FTSJ3: variants seen among roughly 807,000 people sequenced by gnomAD.
FTSJ3 encodes the protein FtsJ RNA 2'-O-methyltransferase 3, also known as pre-rRNA 2'-O-ribose RNA methyltransferase FTSJ3.
FTSJ3 carries 46 observed loss-of-function variants against 111.5 expected under a neutral mutation model. The observed-to-expected ratio is 0.41, with a 90% CI of 0.33 to 0.53. The LOEUF is 0.53. Among genes scored for constraint, FTSJ3 ranks in the 20% least tolerant of loss-of-function variants. The probability of loss-of-function intolerance (pLI) is 0.19; values close to 1 mark genes in which losing one functional copy is unlikely to be tolerated. For missense variants in FTSJ3, 1,075 were observed against 1,063.8 expected (o/e 1.01, Z -0.15); for synonymous variants, 408 against 383.0 (o/e 1.07, Z -0.76).
chr17:63,823,811 C>A lies in FTSJ3; in HGVS notation c.1290+6G>T. On this transcript the variant is annotated splice_donor_region_variant and intron_variant, in intron 13 of 20. Coordinates refer to ENST00000427159, the MANE Select transcript of FTSJ3 (RefSeq NM_017647.4). ...TCCTAAACCTGCACCCCCAATGCCG[C>A]CTCACCTGGTGACCCCGGATGGTGC... 6.2e-7 allele frequency: 1 copy of A among 1,613,748 alleles called. No homozygotes were observed.
In FTSJ3 at chr17:63,824,742, T is replaced by C. The variant is rs773076015; in HGVS notation, c.817-5A>G. 6.2e-7 allele frequency: 1 copy of C among 1,613,102 alleles called. No homozygotes were observed. Reference sequence around the variant, plus strand: ...CTCTTCATCATCTACCATGATCTGTTTGGGAGGATGGAAAGGTGTCAGGGG... The same window carrying C: ...CTCTTCATCATCTACCATGATCTGTCTGGGAGGATGGAAAGGTGTCAGGGG... On this transcript the variant is annotated splice_region_variant and splice_polypyrimidine_tract_variant and intron_variant, in intron 9 of 20. Coordinates refer to ENST00000427159, the MANE Select transcript of FTSJ3 (RefSeq NM_017647.4).
rs116141689 is a variant in FTSJ3 at position 63,822,986 on chromosome 17, G to A, written c.1291-818C>T. On this transcript the variant is annotated intron_variant, in intron 13 of 20. Transcript: ENST00000427159. ...AGCTCCAGGTGGTAGAGCTGGGAAG[G>A]AAACCTGAGCCTGTGTCTGCTCTAG... 6.8e-3 allele frequency among the ~76,000 whole-genome samples: 1,035 copies of A among 152,228 alleles called. 12 individuals are homozygous for A. The highest frequency in any genetic ancestry group is 0.031 in the Middle Eastern group (9 of 294).
chr17:63,827,474 T>G lies in FTSJ3; in HGVS notation c.-449A>C. ...CAAGACGGCTCGGATGCCGGCGGTC[T>G]CTGCTGAAGAGAGAAGATGGCGCTT... On this transcript the variant is annotated 5_prime_UTR_variant, in exon 1 of 21. Coordinates refer to ENST00000427159, the MANE Select transcript of FTSJ3 (RefSeq NM_017647.4). 1 of 1,551,698 alleles carries G rather than the reference T, an allele frequency of 6.4e-7. No homozygotes were observed. Among genetic ancestry groups the G allele is most frequent in the Non-Finnish European group, 8.7e-7 (1 of 1,146,992 alleles).
intron 16 of FTSJ3, 65 bp downstream of exon 16, chr17:63,821,289 A>C (rs1169147390): frequency 3.2e-6 from 5 of 1,544,826 alleles, no homozygotes; most frequent in African/African-American, 1.4e-5. Flanking sequence ...AAGAACCCCC[A>C]ATTTAGAGAA....
Position 63,822,094 on chromosome 17 carries a change from G to A in FTSJ3, c.1365C>T (p.Ile455=). Residue 455 remains isoleucine, a synonymous_variant, in exon 14 of 21, where the codon ATC becomes ATT. Transcript: ENST00000427159. The part of the protein sequence containing the change: ...TFLSDLPRDD[I]YVSDVEDDGD... ...CGTCGTCCTCAACATCTGACACATA[G>A]ATATCATCCCTTGGCAGATCGGACA... 3.1e-6 allele frequency: 5 copies of A among 1,614,168 alleles called. No homozygotes were observed. Among genetic ancestry groups the A allele is most frequent in the Non-Finnish European group, 3.4e-6 (4 of 1,179,990 alleles).
At chr17:63,826,806 C>G (rs756519697) in intron 2 of FTSJ3, 30 bp downstream of exon 2, 2 of 1,610,838 alleles carry the variant, frequency 1.2e-6, no homozygotes, top group Admixed American at 3.3e-5. Context: ...ATCGCTCGCT[C>G]GCTCGCAGAC....
rs2040085548 is a variant in FTSJ3 at position 63,825,092 on chromosome 17, G to A, written c.667C>T (p.Gln223Ter). Residue 223 changes from glutamine to a stop codon, truncating the protein, a stop_gained, in exon 8 of 21, where the codon CAG (glutamine) becomes TAG (stop). Transcript: ENST00000427159. LOFTEE classifies it high-confidence loss of function. Reference sequence around the variant, plus strand: ...ACCAATTCAGTAACGGTCTTAGCCTGAACTTCAACCTCCTTAAAGGCAAAT... The same window carrying A: ...ACCAATTCAGTAACGGTCTTAGCCTAAACTTCAACCTCCTTAAAGGCAAAT... Reference protein sequence around the residue: ...PKFAFKEVEVQAKTVTELVTK... With the variant: ...PKFAFKEVEV 6.2e-7 allele frequency: 1 copy of A among 1,614,034 alleles called. No homozygotes were observed. Among genetic ancestry groups the A allele is most frequent in the African/African-American group, 1.3e-5 (1 of 74,908 alleles).
rs974363261 is a variant in FTSJ3 at position 63,819,693 on chromosome 17, C to G, written c.*109G>C. ...GCACTCCACCTCACTGTTCTTCAGA[C>G]AGCTGTGATGTGAGCAGGGGCTAGG... is the stretch of plus-strand genomic sequence containing the variant. On this transcript the variant is annotated 3_prime_UTR_variant, in exon 21 of 21. Coordinates refer to ENST00000427159, the MANE Select transcript of FTSJ3 (RefSeq NM_017647.4). 1.9e-5 allele frequency: 19 copies of G among 1,023,522 alleles called. No individual in the cohort carries two copies. Among genetic ancestry groups the G allele is most frequent in the Non-Finnish European group, 2.6e-5 (18 of 697,804 alleles). The allele number at this position is 1,023,522 out of a possible 1,614,324, so 63.4% of individuals were successfully genotyped here.
chr17:63,822,043 G>A lies in FTSJ3; in HGVS notation c.1416C>T (p.Asp472=), dbSNP rs753188306. 1.2e-6 allele frequency: 2 copies of A among 1,613,998 alleles called. No homozygotes were observed. The highest frequency in any genetic ancestry group is 2.7e-5 in the African/African-American group (2 of 74,884). The change falls in exon 14 of 21, where the codon GAC becomes GAT. Residue 472 remains aspartate, a synonymous_variant. Transcript: ENST00000427159. Reference sequence around the variant, plus strand: ...CTCCTGCCAGCTCCTCTGGATCCAGGTCACTATCCAGAGATGTGTCATCAC... The same window carrying A: ...CTCCTGCCAGCTCCTCTGGATCCAGATCACTATCCAGAGATGTGTCATCAC... ...DDGDDTSLDS[D]LDPEELAGVR...
chr17:63,820,990 C>G lies in FTSJ3; in HGVS notation c.1972+40G>C, dbSNP rs761629210. 9.3e-6 allele frequency: 15 copies of G among 1,609,854 alleles called. No individual in the cohort carries two copies. In the Admixed American group the frequency reaches 2.5e-4, roughly 27 times the overall value. ...GCTCAATTCCCAATACTGAGACTTC[C>G]AGTGGTCTTTTCTCATTCCACTGCA... is the stretch of plus-strand genomic sequence containing the variant. On this transcript the variant is annotated intron_variant, in intron 17 of 20. Transcript: ENST00000427159.
chr17:63,825,726 T>C, intron 5 of FTSJ3, 91 bp from the exon 6 acceptor site: 1 of 1,129,022 alleles, frequency 8.9e-7, no homozygotes, highest in Non-Finnish European at 1.3e-6. Context: ...TGAGTGCCCA[T>C]CATGGGCCAA....
Position 63,824,460 on chromosome 17 carries a change from C to T in FTSJ3, c.918-49G>A, listed in dbSNP as rs377223931. 2.0e-4 allele frequency: 318 copies of T among 1,595,508 alleles called. 2 individuals are homozygous for T. The highest frequency in any genetic ancestry group is 2.5e-4 in the African/African-American group (19 of 74,568). On this transcript the variant is annotated intron_variant, in intron 10 of 20. Coordinates refer to ENST00000427159, the MANE Select transcript of FTSJ3 (RefSeq NM_017647.4). ...ATCTTGCCATCTCCCTCTTTGTCCC[C>T]GCCCCCTTCTGTTTTAGGCTCACTA...
Position 63,819,510 on chromosome 17 carries a change from T to C in FTSJ3, c.*292A>G, listed in dbSNP as rs962975498. 2.3e-5 allele frequency: 8 copies of C among 355,532 alleles called. No individual in the cohort carries two copies. Among genetic ancestry groups the C allele is most frequent in the African/African-American group, 1.2e-4 (6 of 49,006 alleles). 22.0% of individuals were successfully genotyped at this position (355,532 alleles called of 1,614,324 possible). ...GTGGCCCACACGTCCAGGTGTAGAC[T>C]GACTACATTGAGTATCGCTCCAACA... is the stretch of plus-strand genomic sequence containing the variant. On this transcript the variant is annotated 3_prime_UTR_variant, in exon 21 of 21. Coordinates refer to ENST00000427159, the MANE Select transcript of FTSJ3 (RefSeq NM_017647.4).
chr17:63,823,713 A>G (rs751287162), intron 13 of FTSJ3, 104 bp downstream of exon 13: 71 of 1,311,520 alleles, frequency 5.4e-5, no homozygotes, highest in Non-Finnish European at 7.1e-5. Flanking sequence ...CAGCAACCAC[A>G]GCCTATCGTT....
At chr17:63,820,496 C>T (rs1456671326) in intron 18 of FTSJ3, 58 bp from the exon 19 acceptor site, 2 of 1,557,726 alleles carry the variant, frequency 1.3e-6, no homozygotes, top group African/African-American at 1.4e-5. Flanking sequence ...AAAGAAATTA[C>T]CAGACTGGGC....
Position 63,825,580 on chromosome 17 carries a change from G to C in FTSJ3, c.356C>G (p.Ala119Gly). Residue 119 changes from alanine (A) to glycine (G), a missense_variant, in exon 6 of 21, where the codon GCC (alanine) becomes GGC (glycine). Transcript: ENST00000427159. ...WKVDVVLNDG[A>G]PNVGASWVHD... ...GACCCAGCTAGCCCCAACGTTGGGGGCCCCATCATTGAGCACAACATCAAC... is the reference window on the plus strand; with the variant it reads ...GACCCAGCTAGCCCCAACGTTGGGGCCCCCATCATTGAGCACAACATCAAC... 1 of 1,614,136 alleles carries C rather than the reference G, an allele frequency of 6.2e-7. No homozygotes were observed. Among genetic ancestry groups the C allele is most frequent in the Non-Finnish European group, 8.5e-7 (1 of 1,180,020 alleles).
chr17:63,825,694 A>G, intron 5 of FTSJ3, 59 bp from the exon 6 acceptor site: 2 of 1,476,316 alleles, frequency 1.4e-6, no homozygotes, highest in Admixed American at 1.7e-5. Flanking sequence ...TGGTTCAGCC[A>G]TTTGTCCATC....
chr17:63,824,120 G>T lies in FTSJ3; in HGVS notation c.1118C>A (p.Ala373Glu). The T allele has an allele frequency of 3.7e-6, 6 of 1,614,068 alleles. No homozygotes were observed. The highest frequency in any genetic ancestry group is 5.1e-6 in the Non-Finnish European group (6 of 1,180,022). ...EEEEQLNQTL[A>E]EMKAQEVAEL... ...CGCCACCTCCTGGGCCTTCATTTCTGCCAAGGTCTGGTTCAGTTGTTCCTC... is the reference window on the plus strand; with the variant it reads ...CGCCACCTCCTGGGCCTTCATTTCTTCCAAGGTCTGGTTCAGTTGTTCCTC... The change falls in exon 12 of 21, where the codon GCA becomes GAA. Residue 373 changes from alanine (A) to glutamate (E), a missense_variant. Coordinates refer to ENST00000427159, the MANE Select transcript of FTSJ3 (RefSeq NM_017647.4).
At position 63,820,170 on chromosome 17, in the gene FTSJ3, G is replaced by A. The variant is rs202101775; in HGVS notation, c.2260C>T (p.Leu754=). ...EAKARKKRRM[L]KRLEQTRKKA... ...TTCCTGGTCTGCTCCAGCCTCTTCA[G>A]CATCTGCAAAGGAACCTGTCAGGTG... The change falls in exon 20 of 21, where the codon CTG becomes TTG. Residue 754 remains leucine (L), a synonymous_variant. Transcript: ENST00000427159. The A allele has an allele frequency of 4.8e-5, 78 of 1,613,934 alleles. 1 individual carries two copies. Among genetic ancestry groups the A allele is most frequent in the Non-Finnish European group, 4.2e-5 (50 of 1,180,026 alleles).
Sources: allele counts gnomAD v4.1 joint callset (sites outside exome capture counted in the v4.1 genomes callset), GRCh38; gene constraint gnomAD v4.1.1; transcripts MANE v1.5; gene names NCBI Gene and HGNC (gene_info 2026-07-23, HGNC 2026-07-21).